CNTN4: variants seen among roughly 807,000 people sequenced by gnomAD.
The protein encoded by CNTN4 is contactin 4.
In CNTN4, 77 loss-of-function variants were observed where a neutral mutation model predicts 122.5. The observed-to-expected ratio is 0.63, with a 90% CI of 0.52 to 0.76. The LOEUF (loss-of-function observed/expected upper bound fraction) is 0.76. Among genes scored for constraint, CNTN4 ranks in the 30% least tolerant of loss-of-function variants. The pLI, the probability that CNTN4 is intolerant of heterozygous loss-of-function variation, is 0.00. For missense variants in CNTN4, 1,256 were observed against 1,259.1 expected, an observed-to-expected ratio of 1.00 and a Z score of 0.04; for synonymous variants, 512 against 447.0, an observed-to-expected ratio of 1.15 and a Z score of -1.83.
At chr3:2,409,525 G>A (rs1313302604) in intron 3 of CNTN4, among the ~76,000 whole-genome samples, 1 of 152,000 alleles carries the variant, frequency 6.6e-6, no homozygotes, top group Non-Finnish European at 1.5e-5. Context: ...GAGATTACAG[G>A]CGTGAGCCAC....
intron 2 of CNTN4, among the ~76,000 whole-genome samples, chr3:2,295,799 TTA>T (rs1464921097): frequency 6.6e-6 from 1 of 152,338 alleles, no homozygotes; most frequent in East Asian, 1.9e-4. Context: ...TCTAGGGTTT[TTA>T]TGTTTTTAGG....
chr3:2,759,074 G>T (rs763978592), intron 6 of CNTN4, among the ~76,000 whole-genome samples: 1 of 152,048 alleles, frequency 6.6e-6, no homozygotes, highest in East Asian at 1.9e-4. Flanking sequence ...AAATGAAATC[G>T]TAATATATGT....
At chr3:2,181,665 C>A (rs546636607) in intron 2 of CNTN4, among the ~76,000 whole-genome samples, 1 of 152,100 alleles carries the variant, frequency 6.6e-6, no homozygotes, top group African/African-American at 2.4e-5. Flanking sequence ...TAAAAAAAGC[C>A]AAAGTTGCTT....
intron 3 of CNTN4, among the ~76,000 whole-genome samples, chr3:2,541,398 A>G (rs975963233): frequency 1.3e-5 from 2 of 152,102 alleles, no homozygotes; most frequent in Non-Finnish European, 2.9e-5. Context: ...ACTATTATGC[A>G]CCTTATTTTG....
intron 3 of CNTN4, among the ~76,000 whole-genome samples, chr3:2,475,777 A>T (rs1183585188): frequency 6.6e-6 from 1 of 152,168 alleles, no homozygotes; most frequent in Non-Finnish European, 1.5e-5. Flanking sequence ...AGATGAGAAA[A>T]CTGAGTCACA....
At chr3:2,326,485 TACACACACACACACACACACACAC>T (rs10557917) in intron 2 of CNTN4, among the ~76,000 whole-genome samples, 5 of 125,972 alleles carry the variant, frequency 4.0e-5, no homozygotes, top group African/African-American at 1.1e-4. Flanking sequence ...CTAATAAATT[TACACACACACACACACACACACAC>T]ACACACACAC....
rs1025827980 is a variant in CNTN4 at position 2,648,334 on chromosome 3, C to T, written c.55+76776C>T. ...CTTCACAGATTTTGAGTTTTTTTTG[C>T]AAACTGAAGGTTTGTGCCAACACTG... On this transcript the variant is annotated intron_variant, in intron 4 of 24. Coordinates refer to ENST00000418658, the MANE Select transcript of CNTN4 (RefSeq NM_175607.3). Among the ~76,000 whole-genome samples, 16 of 152,126 alleles carry T rather than the reference C, an allele frequency of 1.1e-4. No individual in the cohort carries two copies. In the East Asian group the frequency reaches 2.1e-3, roughly 20 times the overall value.
chr3:2,285,985 A>G (rs1346280330), intron 2 of CNTN4, among the ~76,000 whole-genome samples: 1 of 152,118 alleles, frequency 6.6e-6, no homozygotes, highest in Non-Finnish European at 1.5e-5. Context: ...TCAAATATGT[A>G]TATATTTTGA....
chr3:2,292,946 T>C (rs1441105159), intron 2 of CNTN4, among the ~76,000 whole-genome samples: 4 of 152,256 alleles, frequency 2.6e-5, no homozygotes, highest in Non-Finnish European at 5.9e-5. Flanking sequence ...GTTAAGTATA[T>C]GCACATATTC....
intron 3 of CNTN4, among the ~76,000 whole-genome samples, chr3:2,508,783 G>C (rs1045870242): frequency 2.6e-5 from 4 of 152,096 alleles, no homozygotes; most frequent in Non-Finnish European, 4.4e-5. Flanking sequence ...GTGGTAACTA[G>C]TCATGTTGGT....
At chr3:2,646,338 C>T (rs2083118022) in intron 4 of CNTN4, among the ~76,000 whole-genome samples, 1 of 152,164 alleles carries the variant, frequency 6.6e-6, no homozygotes, top group Non-Finnish European at 1.5e-5. Context: ...TGGCCATTTT[C>T]ATTACCAGAC....
At chr3:2,531,276 C>T (rs2077585495) in intron 3 of CNTN4, among the ~76,000 whole-genome samples, 1 of 152,038 alleles carries the variant, frequency 6.6e-6, no homozygotes, top group Non-Finnish European at 1.5e-5. Context: ...CCACTTGGAG[C>T]CAAAAACATC....
In CNTN4 at chr3:2,248,641, C is replaced by A. The variant is rs537738069; in HGVS notation, c.-144-90537C>A. ...AGCCTTCTATGGGTTGCTTCCTTAA[C>A]AAATATGTTTTTTGCCTTGGCCATT... On this transcript the variant is annotated intron_variant, in intron 2 of 24. Transcript: ENST00000418658. Among the ~76,000 whole-genome samples the A allele has an allele frequency of 4.6e-5, 7 of 152,116 alleles. No individual in the cohort carries two copies. In the South Asian group the frequency reaches 1.4e-3, roughly 31 times the overall value.
intron 2 of CNTN4, among the ~76,000 whole-genome samples, chr3:2,177,837 A>G (rs923793108): frequency 2.0e-5 from 3 of 152,132 alleles, no homozygotes; most frequent in Admixed American, 2.0e-4. Context: ...TCAAAGCAAT[A>G]TCAAGACTAG....
intron 8 of CNTN4, among the ~76,000 whole-genome samples, chr3:2,881,318 G>A (rs2093907069): frequency 6.6e-6 from 1 of 152,132 alleles, no homozygotes; most frequent in Non-Finnish European, 1.5e-5. Flanking sequence ...TTCAAGACGA[G>A]CCTGGCCAAC....
At chr3:2,396,083 G>A (rs2150927583) in intron 3 of CNTN4, among the ~76,000 whole-genome samples, 1 of 151,650 alleles carries the variant, frequency 6.6e-6, no homozygotes. Context: ...GTCGTACAAT[G>A]ACATGATCAT....
chr3:2,793,389 T>A (rs1430396347), intron 6 of CNTN4, among the ~76,000 whole-genome samples: 1 of 152,160 alleles, frequency 6.6e-6, no homozygotes, highest in African/African-American at 2.4e-5. Flanking sequence ...AATGTAGTAA[T>A]GTTTCTCCAT....
At chr3:2,369,676 A>G (rs1402817532) in intron 3 of CNTN4, among the ~76,000 whole-genome samples, 1 of 152,068 alleles carries the variant, frequency 6.6e-6, no homozygotes, top group Non-Finnish European at 1.5e-5. Context: ...TCCTGCTTGG[A>G]AATTGGAAAT....
At chr3:2,836,658 C>A (rs1220981519) in intron 7 of CNTN4, among the ~76,000 whole-genome samples, 1 of 151,402 alleles carries the variant, frequency 6.6e-6, no homozygotes, top group African/African-American at 2.4e-5. Flanking sequence ...ACAGGTAACT[C>A]AAAATAAGCC....
Sources: gnomAD v4.1 joint callset for allele counts (sites outside exome capture counted in the v4.1 genomes callset) on GRCh38, gnomAD v4.1.1 for gene constraint, MANE v1.5 for transcripts, NCBI Gene and HGNC (gene_info 2026-07-23, HGNC 2026-07-21) for gene names.